Variants in OR2A14 observed in about 807,000 individuals in gnomAD.
OR2A14 encodes the protein olfactory receptor family 2 subfamily A member 14.
A neutral mutation model predicts 2.4 loss-of-function variants in OR2A14; 2 were observed. The ratio of observed to expected loss-of-function variants is 0.85; its 90% CI spans 0.35 to 2.67. The LOEUF is 2.67. OR2A14 is among the 30% of genes most tolerant of loss of function. OR2A14 has a pLI of 0.10. For synonymous variants in OR2A14, 160 were observed against 156.3 expected (o/e 1.02, Z -0.18); for missense variants, 390 against 379.4 (o/e 1.03, Z -0.23).
Position 144,129,393 on chromosome 7 carries a change from T to C in OR2A14, c.281T>C (p.Phe94Ser). The change falls in exon 2 of 2, where the codon TTT becomes TCT. Residue 94 changes from phenylalanine to serine, a missense_variant. Transcript: ENST00000641068. ...AACCAGGAAAGCACCATCTCCTTTTTTCCATGCATAATGCAGACATTCTTG... is the reference window on the plus strand; with the variant it reads ...AACCAGGAAAGCACCATCTCCTTTTCTCCATGCATAATGCAGACATTCTTG... The part of the protein sequence containing the change: ...LMNQESTISF[F>S]PCIMQTFLYL... 2.5e-6 allele frequency: 4 copies of C among 1,614,208 alleles called. No homozygotes were observed. Among genetic ancestry groups the C allele is most frequent in the Non-Finnish European group, 3.4e-6 (4 of 1,180,024 alleles).
Position 144,130,651 on chromosome 7 carries a change from G to A in OR2A14, c.*606G>A, listed in dbSNP as rs2051524884. 1 of 152,094 alleles carries A rather than the reference G, an allele frequency of 6.6e-6. No individual in the cohort carries two copies. Among genetic ancestry groups the A allele is most frequent in the African/African-American group, 2.4e-5 (1 of 41,390 alleles). The allele number at this position is 152,094 out of a possible 1,614,324, so 9.4% of individuals were successfully genotyped here. A position where few individuals can be genotyped will look rare whatever the true frequency, so the allele number is the denominator to read the frequency against. On this transcript the variant is annotated 3_prime_UTR_variant, in exon 2 of 2. Transcript: ENST00000641068. ...AATTTTTAATGGCTTATTTATCATT[G>A]AGGTTATTGGAAATCTATTTCTAAT... is the stretch of plus-strand genomic sequence containing the variant.
rs776808061 is a variant in OR2A14, at chr7:144,129,762, A to G, written c.650A>G (p.Tyr217Cys). ...VGPLCLVLVS[Y>C]LRILAAILRI... ...CCACTCTGCCTGGTGCTGGTCTCCT[A>G]CTTGCGCATCCTGGCCGCCATCTTG... Residue 217 changes from tyrosine to cysteine, a missense_variant, in exon 2 of 2, where the codon TAC becomes TGC. Transcript: ENST00000641068. The G allele has an allele frequency of 5.0e-6, 8 of 1,613,958 alleles. No homozygotes were observed. The Admixed American group carries it at 1.3e-4, about 27-fold the overall frequency.
At chr7:144,123,651 G>A (rs1485158226) in intron 1 of OR2A14, among the ~76,000 whole-genome samples, 2 of 152,166 alleles carry the variant, frequency 1.3e-5, no homozygotes, top group Non-Finnish European at 2.9e-5. Flanking sequence ...TACAAATAAT[G>A]CTAATTTTAA....
In OR2A14 at chr7:144,128,943, T is replaced by C. The variant is rs970270949; in HGVS notation, c.-34-136T>C. On this transcript the variant is annotated intron_variant, in intron 1 of 1. Transcript: ENST00000641068. ...GTATGTATTCTTATTATTCCATTGA[T>C]ACAATGCGATTTTTTCTCATTTTTA... The C allele has an allele frequency of 7.2e-6, 4 of 554,518 alleles. No individual in the cohort carries two copies. The African/African-American group carries it at 8.6e-5, about 12-fold the overall frequency. The allele number at this position is 554,518 out of a possible 1,614,324, so 34.3% of individuals were successfully genotyped here.
chr7:144,125,801 T>C (rs2951339), intron 1 of OR2A14, among the ~76,000 whole-genome samples: 80,816 of 152,100 alleles, frequency 0.53, 21,834 homozygotes, highest in East Asian at 0.74. Flanking sequence ...TTCCTTACTT[T>C]ACAAAAATTA....
Position 144,129,145 on chromosome 7 carries a change from C to T in OR2A14, c.33C>T (p.Ile11=), listed in dbSNP as rs748552034. MEGNKTWITD[I]TLPRFQVGPA... Reference sequence around the variant, plus strand: ...GCAACAAGACATGGATCACAGACATCACCTTGCCGCGATTCCAGGTTGGTC... The same window carrying T: ...GCAACAAGACATGGATCACAGACATTACCTTGCCGCGATTCCAGGTTGGTC... The change falls in exon 2 of 2, where the codon ATC becomes ATT. Residue 11 remains isoleucine, a synonymous_variant. Transcript: ENST00000641068. The T allele has an allele frequency of 1.2e-6, 2 of 1,612,112 alleles. No individual in the cohort carries two copies. The highest frequency in any genetic ancestry group is 1.7e-6 in the Non-Finnish European group (2 of 1,179,916).
Position 144,129,438 on chromosome 7 carries a change from TAG to T in OR2A14, c.329_330del (p.Glu110ValfsTer10), listed in dbSNP as rs1272185016. On this transcript the variant is annotated frameshift_variant, in exon 2 of 2. Transcript: ENST00000641068. LOFTEE classifies it low-confidence loss of function (END_TRUNC). ...TTCTTGTATTTGGCTTTTGCTCACG[TAG>T]AGTGTCTGATTTTGGTGGTGATGTC... 1 of 1,614,148 alleles carries T rather than the reference TAG, an allele frequency of 6.2e-7. No individual in the cohort carries two copies. The highest frequency in any genetic ancestry group is 8.5e-7 in the Non-Finnish European group (1 of 1,179,966).
At chr7:144,125,262 T>C (rs923945039) in intron 1 of OR2A14, among the ~76,000 whole-genome samples, 1 of 152,206 alleles carries the variant, frequency 6.6e-6, no homozygotes, top group African/African-American at 2.4e-5. Context: ...GAGACCATAT[T>C]TTTTTCTGTC....
At position 144,129,761 on chromosome 7, in the gene OR2A14, T is replaced by G; in HGVS notation, c.649T>G (p.Tyr217Asp). 6 of 1,614,022 alleles carry G rather than the reference T, an allele frequency of 3.7e-6. No individual in the cohort carries two copies. The highest frequency in any genetic ancestry group is 5.1e-6 in the Non-Finnish European group (6 of 1,180,024). Residue 217 changes from tyrosine (Y) to aspartate (D), a missense_variant, in exon 2 of 2, where the codon TAC becomes GAC. Physicochemically the swap from Tyr to Asp is radical, Grantham distance 160 (BLOSUM62 -3). Coordinates refer to ENST00000641068, the MANE Select transcript of OR2A14 (RefSeq NM_001001659.3). Reference sequence around the variant, plus strand: ...GCCACTCTGCCTGGTGCTGGTCTCCTACTTGCGCATCCTGGCCGCCATCTT... The same window carrying G: ...GCCACTCTGCCTGGTGCTGGTCTCCGACTTGCGCATCCTGGCCGCCATCTT... ...VGPLCLVLVSYLRILAAILRI... is the reference protein window; with the variant it reads ...VGPLCLVLVSDLRILAAILRI...
chr7:144,128,329 T>C (rs1586916092), intron 1 of OR2A14, among the ~76,000 whole-genome samples: 1 of 152,222 alleles, frequency 6.6e-6, no homozygotes, highest in Non-Finnish European at 1.5e-5. Flanking sequence ...TTTAAAGATA[T>C]ATACATGTAT....
At chr7:144,123,614 G>A (rs2051460831) in intron 1 of OR2A14, among the ~76,000 whole-genome samples, 1 of 152,156 alleles carries the variant, frequency 6.6e-6, no homozygotes, top group African/African-American at 2.4e-5. Context: ...GATTGTCAGG[G>A]GCTATGCGGC....
intron 1 of OR2A14, among the ~76,000 whole-genome samples, chr7:144,123,774 A>G (rs1176096104): frequency 6.6e-6 from 1 of 152,074 alleles, no homozygotes; most frequent in African/African-American, 2.4e-5. Context: ...ACCAGACAAG[A>G]TCCCCTTCTC....
At chr7:144,127,036 T>C (rs941322285) in intron 1 of OR2A14, among the ~76,000 whole-genome samples, 3 of 152,108 alleles carry the variant, frequency 2.0e-5, no homozygotes, top group African/African-American at 7.2e-5. Flanking sequence ...CTAAAACAAT[T>C]TTATCCAGGG....
In OR2A14 at chr7:144,129,837, C is replaced by T. The variant is rs1437997514; in HGVS notation, c.725C>T (p.Ser242Phe). ...GRRKAFSTCS[S>F]HLCVVGLFFG... ...AGAAAGGCCTTCTCCACCTGCTCCT[C>T]CCACCTTTGCGTGGTGGGACTCTTC... The change falls in exon 2 of 2, where the codon TCC (serine) becomes TTC (phenylalanine). Residue 242 changes from serine (S) to phenylalanine (F), a missense_variant. Transcript: ENST00000641068. 5 of 1,614,222 alleles carry T rather than the reference C, an allele frequency of 3.1e-6. No homozygotes were observed. In the South Asian group the frequency reaches 4.4e-5, roughly 14 times the overall value.
intron 1 of OR2A14, among the ~76,000 whole-genome samples, chr7:144,123,932 CTT>C (rs200079483): frequency 0.6 from 91,723 of 151,620 alleles, 28,572 homozygotes; most frequent in East Asian, 0.74. Context: ...AGACATTCTC[CTT>C]AACGATGGTT....
Position 144,130,770 on chromosome 7 carries a change from A to G in OR2A14, c.*725A>G, listed in dbSNP as rs1223695464. 1 of 152,224 alleles carries G rather than the reference A, an allele frequency of 6.6e-6. No homozygotes were observed. Among genetic ancestry groups the G allele is most frequent in the African/African-American group, 2.4e-5 (1 of 41,460 alleles). The allele number at this position is 152,224 out of a possible 1,614,324, so 9.4% of individuals were successfully genotyped here. ...ATAGTACACATCCTCAAGATCAATA[A>G]TTAGTGACACTTCCTGTGAAGATAC... On this transcript the variant is annotated 3_prime_UTR_variant, in exon 2 of 2. Transcript: ENST00000641068.
chr7:144,127,399 T>G (rs2051489222), intron 1 of OR2A14, among the ~76,000 whole-genome samples: 1 of 152,192 alleles, frequency 6.6e-6, no homozygotes, highest in South Asian at 2.1e-4. Context: ...AAAATAGGGA[T>G]AAAAACCTTA....
At chr7:144,124,954 C>T (rs953244195) in intron 1 of OR2A14, among the ~76,000 whole-genome samples, 3 of 152,172 alleles carry the variant, frequency 2.0e-5, no homozygotes, top group Non-Finnish European at 4.4e-5. Context: ...AAAGTGTTTG[C>T]AACACCATGA....
At chr7:144,126,290 T>G (rs2051482409) in intron 1 of OR2A14, among the ~76,000 whole-genome samples, 2 of 152,240 alleles carry the variant, frequency 1.3e-5, no homozygotes, top group Non-Finnish European at 2.9e-5. Context: ...CTGATGAATT[T>G]TTTATGTCAA....
Sources: allele counts gnomAD v4.1 joint callset (sites outside exome capture counted in the v4.1 genomes callset), GRCh38; gene constraint gnomAD v4.1.1; transcripts MANE v1.5; gene names NCBI Gene and HGNC (gene_info 2026-07-23, HGNC 2026-07-21).